The following ZDHHC13 variants were observed in gnomAD, a reference collection of about 807,000 sequenced individuals.
ZDHHC13 encodes palmitoyltransferase ZDHHC13.
A neutral mutation model predicts 86.0 loss-of-function variants in ZDHHC13; 85 were observed. That is an observed-to-expected ratio of 0.99 (90% CI 0.83 to 1.18). ZDHHC13 has a LOEUF of 1.18. Among genes scored for constraint, ZDHHC13 ranks in the 50% most tolerant of loss-of-function variants. The probability of loss-of-function intolerance (pLI) is 0.00; values close to 1 mark genes in which losing one functional copy is unlikely to be tolerated. For synonymous variants in ZDHHC13, 263 were observed against 246.4 expected (o/e 1.07, Z -0.63); for missense variants, 711 against 730.2 (o/e 0.97, Z 0.30).
intron 1 of ZDHHC13, among the ~76,000 whole-genome samples, chr11:19,136,338 G>A (rs1301230936): frequency 2.0e-5 from 3 of 152,042 alleles, no homozygotes; most frequent in Non-Finnish European, 2.9e-5. Flanking sequence ...GGAAGATGAA[G>A]TGAATGAAAT....
rs183654545 is a variant in ZDHHC13, at chr11:19,162,508, T to C, written c.1109-795T>C. ...AGTTAAGACTTGGATACCCTAAAAG[T>C]GTGGTTTTAGAAGAAAATGAGAGGA... On this transcript the variant is annotated intron_variant, in intron 10 of 16. Transcript: ENST00000446113. Among the ~76,000 whole-genome samples, 11 of 152,064 alleles carry C rather than the reference T, an allele frequency of 7.2e-5. No homozygotes were observed. In the South Asian group the frequency reaches 1.2e-3, roughly 17 times the overall value.
intron 16 of ZDHHC13, among the ~76,000 whole-genome samples, chr11:19,175,039 A>G (rs960789312): frequency 6.6e-6 from 1 of 152,148 alleles, no homozygotes; most frequent in Non-Finnish European, 1.5e-5. Context: ...AGTCTGCAAT[A>G]TGCAAGATGA....
At position 19,172,191 on chromosome 11, in the gene ZDHHC13, G is replaced by A. The variant is rs545160684; in HGVS notation, c.1633-532G>A. Among the ~76,000 whole-genome samples, 14 of 152,228 alleles carry A rather than the reference G, an allele frequency of 9.2e-5. No homozygotes were observed. The South Asian group carries it at 2.7e-3, about 29-fold the overall frequency. ...CGTGTCAAGTGATTCTCCTGCCTCA[G>A]CCTCCCAAGTAGCTGGGATTACAGG... On this transcript the variant is annotated intron_variant, in intron 15 of 16. Coordinates refer to ENST00000446113, the MANE Select transcript of ZDHHC13 (RefSeq NM_019028.3).
At chr11:19,170,318 C>A in intron 14 of ZDHHC13, 93 bp from the exon 15 acceptor site, 1 of 1,464,390 alleles carries the variant, frequency 6.8e-7, no homozygotes, top group South Asian at 1.4e-5. Flanking sequence ...TTTCTCTTCT[C>A]CCTATATAGA....
At chr11:19,150,936 C>G (rs1849592246) in intron 6 of ZDHHC13, 145 bp downstream of exon 6, 1 of 676,474 alleles carries the variant, frequency 1.5e-6, no homozygotes, top group Non-Finnish European at 2.4e-6. Context: ...TGATAATTGA[C>G]TTTTAAGGTA....
At chr11:19,126,012 A>T (rs1361326159) in intron 1 of ZDHHC13, among the ~76,000 whole-genome samples, 2 of 152,184 alleles carry the variant, frequency 1.3e-5, no homozygotes, top group African/African-American at 4.8e-5. Context: ...ACAGCTGTAT[A>T]CCAAAGTTAA....
chr11:19,168,837 G>A (rs1457294507), intron 14 of ZDHHC13: 1 of 985,262 alleles, frequency 1.0e-6, no homozygotes, highest in Admixed American at 6.1e-5. Context: ...CTGTTTACAA[G>A]GTGGATAGTA....
At chr11:19,136,994 A>G (rs1175117485) in intron 1 of ZDHHC13, among the ~76,000 whole-genome samples, 10 of 152,326 alleles carry the variant, frequency 6.6e-5, no homozygotes, top group Admixed American at 3.9e-4. Flanking sequence ...GAGACTAGGA[A>G]GAAACTGCAT....
chr11:19,165,391 C>A (rs1441091544), intron 13 of ZDHHC13, among the ~76,000 whole-genome samples: 1 of 152,128 alleles, frequency 6.6e-6, no homozygotes, highest in African/African-American at 2.4e-5. Flanking sequence ...CTTGTAAAAA[C>A]GCTAGATCAG....
intron 1 of ZDHHC13, among the ~76,000 whole-genome samples, chr11:19,135,936 C>G (rs1849126551): frequency 6.6e-6 from 1 of 152,134 alleles, no homozygotes; most frequent in Non-Finnish European, 1.5e-5. Flanking sequence ...TCACCATCAT[C>G]AAAGACCAAA....
In ZDHHC13 at chr11:19,132,766, G is replaced by T. The variant is rs533769982; in HGVS notation, c.28-10212G>T. On this transcript the variant is annotated intron_variant, in intron 1 of 16. Coordinates refer to ENST00000446113, the MANE Select transcript of ZDHHC13 (RefSeq NM_019028.3). ...TCACCTTGTGTATTTGTTTTGTTTT[G>T]TTTTTTTCTCATATCTTGGCAATCA... Among the ~76,000 whole-genome samples the T allele has an allele frequency of 6.4e-3, 972 of 151,992 alleles. 9 individuals are homozygous for T. Among genetic ancestry groups the T allele is most frequent in the African/African-American group, 0.022 (917 of 41,350 alleles).
rs546507174 is a variant in ZDHHC13, at chr11:19,134,102, A to C, written c.28-8876A>C. Among the ~76,000 whole-genome samples the C allele has an allele frequency of 4.6e-5, 7 of 151,962 alleles. No individual in the cohort carries two copies. In the South Asian group the frequency reaches 1.5e-3, roughly 32 times the overall value. On this transcript the variant is annotated intron_variant, in intron 1 of 16. Transcript: ENST00000446113. ...AGGCAATGCTATTGGAATAACTAATAATCTCCTGAGGAGACTATTTTGAAG... is the reference window on the plus strand; with the variant it reads ...AGGCAATGCTATTGGAATAACTAATCATCTCCTGAGGAGACTATTTTGAAG...
intron 1 of ZDHHC13, among the ~76,000 whole-genome samples, chr11:19,138,102 C>G (rs1386100868): frequency 7.9e-5 from 12 of 151,602 alleles, no homozygotes; most frequent in South Asian, 2.1e-4. Context: ...AAAAACCCTT[C>G]AAAAAATTAA....
At chr11:19,127,877 G>A (rs1848911653) in intron 1 of ZDHHC13, among the ~76,000 whole-genome samples, 1 of 152,174 alleles carries the variant, frequency 6.6e-6, no homozygotes, top group Admixed American at 6.5e-5. Context: ...TTGAAGTCAG[G>A]TAGTGTAATT....
At chr11:19,138,066 C>T (rs1292066414) in intron 1 of ZDHHC13, among the ~76,000 whole-genome samples, 2 of 151,356 alleles carry the variant, frequency 1.3e-5, no homozygotes, top group Admixed American at 6.6e-5. Flanking sequence ...AAAATCAGAG[C>T]AGAACTGAAG....
chr11:19,134,423 C>G (rs1849077351), intron 1 of ZDHHC13, among the ~76,000 whole-genome samples: 1 of 152,170 alleles, frequency 6.6e-6, no homozygotes, highest in Admixed American at 6.5e-5. Context: ...TTTATTGCAG[C>G]ACCATTCACA....
At chr11:19,138,761 A>C (rs1318195863) in intron 1 of ZDHHC13, among the ~76,000 whole-genome samples, 1 of 151,936 alleles carries the variant, frequency 6.6e-6, no homozygotes, top group Non-Finnish European at 1.5e-5. Context: ...GGTTCAATAT[A>C]CGCAAATCAA....
chr11:19,149,651 T>C (rs1312135414), intron 5 of ZDHHC13, among the ~76,000 whole-genome samples: 1 of 152,222 alleles, frequency 6.6e-6, no homozygotes, highest in African/African-American at 2.4e-5. Flanking sequence ...TCTAGTTGAA[T>C]ATAAAAATGG....
chr11:19,132,189 T>C (rs1251736570), intron 1 of ZDHHC13, among the ~76,000 whole-genome samples: 4 of 152,220 alleles, frequency 2.6e-5, no homozygotes, highest in Non-Finnish European at 4.4e-5. Context: ...CTGGTATTTG[T>C]TGCCTGTCTT....
Sources: allele counts gnomAD v4.1 joint callset (sites outside exome capture counted in the v4.1 genomes callset), GRCh38; gene constraint gnomAD v4.1.1; transcripts MANE v1.5; gene names NCBI Gene and HGNC (gene_info 2026-07-23, HGNC 2026-07-21).